Variants in JRK observed in about 807,000 individuals in gnomAD.
The protein encoded by JRK is Jrk helix-turn-helix protein.
For synonymous variants in JRK, 303 were observed against 218.1 expected, an observed-to-expected ratio of 1.39 and a Z score of -3.43; for missense variants, 720 against 509.2, an observed-to-expected ratio of 1.41 and a Z score of -3.98.
chr8:142,653,123 A>T (rs1846695282), downstream of JRK, among the ~76,000 whole-genome samples: 1 of 152,186 alleles, frequency 6.6e-6, no homozygotes, highest in Non-Finnish European at 1.5e-5. Context: ...ACTGCCCTTG[A>T]TCACTTCTGG....
In JRK at chr8:142,665,826, C is replaced by T. The variant is rs373016139; in HGVS notation, c.233G>A (p.Arg78Gln). 7.7e-6 allele frequency: 6 copies of T among 779,150 alleles called. No homozygotes were observed. Among genetic ancestry groups the T allele is most frequent in the South Asian group, 1.3e-5 (1 of 74,366 alleles). The allele number at this position is 779,150 out of a possible 1,614,324, so 48.3% of individuals were successfully genotyped here. A position where few individuals can be genotyped will look rare whatever the true frequency, so the allele number is the denominator to read the frequency against. ...SSDSNKALEQ[R>Q]RTLHTPKLEH... ...CAGCTTGGGCGTGTGCAGCGTGCGC[C>T]GCTGCTCCAGCGCCTTGTTGGAGTC... Residue 78 changes from arginine to glutamine, a missense_variant, in exon 2 of 2, where the codon CGG becomes CAG. By Grantham distance (43) the Arg-to-Gln change is conservative (BLOSUM62 1). Transcript: ENST00000612905.
rs1363700724 is a variant in JRK, at chr8:142,664,571, T to C, written c.1488A>G (p.Ala496=). 4 of 1,608,514 alleles carry C rather than the reference T, an allele frequency of 2.5e-6. No individual in the cohort carries two copies. The African/African-American group carries it at 4.0e-5, about 16-fold the overall frequency. The change falls in exon 2 of 2, where the codon GCA becomes GCG. Residue 496 remains alanine, a synonymous_variant. Transcript: ENST00000612905. ...GCTGCCGCTCCGCAAAGCGCAGGAC[T>C]GCGTCAAAGGCCACGGCCGCCTGCT... The part of the protein sequence containing the change: ...AWEQAAVAFD[A]VLRFAERQPC...
At chr8:142,651,457 T>C in the JRK span, among the ~76,000 whole-genome samples, 1 of 151,048 alleles carries the variant, frequency 6.6e-6, no homozygotes, top group Non-Finnish European at 1.5e-5. Flanking sequence ...GTAACAGCCA[T>C]TGCTTTCAGT....
At chr8:142,653,697 C>T (rs1465594355), downstream of JRK, among the ~76,000 whole-genome samples, 2 of 152,142 alleles carry the variant, frequency 1.3e-5, no homozygotes, top group Non-Finnish European at 2.9e-5. Context: ...ATTCCTGACA[C>T]CAGATGGCTC....
the JRK span, among the ~76,000 whole-genome samples, chr8:142,645,193 G>T: frequency 6.6e-6 from 1 of 151,878 alleles, no homozygotes; most frequent in African/African-American, 2.4e-5. Flanking sequence ...AGCAGGACTT[G>T]GTGTTCTTTT....
the JRK span, among the ~76,000 whole-genome samples, chr8:142,647,506 C>G: frequency 6.0e-4 from 92 of 152,210 alleles, no homozygotes; most frequent in African/African-American, 1.8e-3. Context: ...GATAGTAACT[C>G]TCATGAGATT....
In JRK at chr8:142,658,889, G is replaced by A. The variant is rs1554634117; in HGVS notation, c.*5463C>T. On this transcript the variant is annotated 3_prime_UTR_variant, in exon 2 of 2. Coordinates refer to ENST00000612905, the MANE Select transcript of JRK (RefSeq NM_003724.4). ...TGTAGAGGCCTCCAGGCAGCACTTA[G>A]GAATTGCCAACTCCTCTGGTGAGGT... 9 of 1,613,534 alleles carry A rather than the reference G, an allele frequency of 5.6e-6. No homozygotes were observed. The Admixed American group carries it at 1.2e-4, about 21-fold the overall frequency.
chr8:142,644,375 T>A, the JRK span, among the ~76,000 whole-genome samples: 103,248 of 151,886 alleles, frequency 0.68, 35,337 homozygotes, highest in Admixed American at 0.73. Context: ...ACACTAAGTC[T>A]TATCAGAATT....
rs115218091 is a variant in JRK at position 142,664,995 on chromosome 8, G to A, written c.1064C>T (p.Ala355Val). ...NPPVPLQGPH[A>V]RYNMNDAIFS... ...TATGGCATCGTTCATGTTGTAGCGG[G>A]CGTGGGGGCCCTGCAGGGGGACCGG... The change falls in exon 2 of 2, where the codon GCC becomes GTC. Residue 355 changes from alanine to valine, a missense_variant. Ala to Val is a moderately conservative substitution (Grantham distance 64, BLOSUM62 0). Transcript: ENST00000612905. 3.7e-3 allele frequency: 2,710 copies of A among 724,194 alleles called. 50 individuals carry two copies. The African/African-American group carries it at 0.042, about 11-fold the overall frequency. 44.9% of individuals were successfully genotyped at this position (724,194 alleles called of 1,614,324 possible). A position where few individuals can be genotyped will look rare whatever the true frequency, so the allele number is the denominator to read the frequency against.
Position 142,661,494 on chromosome 8 carries a change from A to G in JRK, c.*2858T>C. 1 of 985,518 alleles carries G rather than the reference A, an allele frequency of 1.0e-6. No individual in the cohort carries two copies. The highest frequency in any genetic ancestry group is 4.7e-5 in the South Asian group (1 of 21,286). The allele number at this position is 985,518 out of a possible 1,614,324, so 61.0% of individuals were successfully genotyped here. On this transcript the variant is annotated 3_prime_UTR_variant, in exon 2 of 2. Transcript: ENST00000612905. ...GAGGTTCTATTAGCAGGCTGGAAGC[A>G]GCCACAGAGGTCCCAAACCATATGA...
At chr8:142,645,058 T>C in the JRK span, among the ~76,000 whole-genome samples, 2 of 152,204 alleles carry the variant, frequency 1.3e-5, no homozygotes, top group Non-Finnish European at 2.9e-5. Context: ...TGATAGTCCC[T>C]GGGCCTTGAG....
chr8:142,669,538 A>G (rs1847255635), intron 1 of JRK, among the ~76,000 whole-genome samples: 1 of 152,154 alleles, frequency 6.6e-6, no homozygotes, highest in Non-Finnish European at 1.5e-5. Context: ...AAATGGAGAA[A>G]AAAAAGTCTC....
At position 142,663,991 on chromosome 8, in the gene JRK, TCTCCACC is replaced by T. The variant is rs1554635000; in HGVS notation, c.*354_*360del. ...TTCTCTCCACGTGGACAGACTGACA[TCTCCACC>T]CTCTGATACTGCAATGATCAGCCAG... On this transcript the variant is annotated 3_prime_UTR_variant, in exon 2 of 2. Coordinates refer to ENST00000612905, the MANE Select transcript of JRK (RefSeq NM_003724.4). 9.5e-7 allele frequency: 1 copy of T among 1,054,774 alleles called. No individual in the cohort carries two copies. Among genetic ancestry groups the T allele is most frequent in the African/African-American group, 1.7e-5 (1 of 59,848 alleles). The allele number at this position is 1,054,774 out of a possible 1,614,324, so 65.3% of individuals were successfully genotyped here. A position where few individuals can be genotyped will look rare whatever the true frequency, so the allele number is the denominator to read the frequency against.
chr8:142,667,465 ACACACACAG>A (rs1554636429), intron 1 of JRK, among the ~76,000 whole-genome samples: 1 of 150,686 alleles, frequency 6.6e-6, no homozygotes, highest in African/African-American at 2.5e-5. Context: ...ACACACACAC[ACACACACAG>A]CCACCCAACC....
At position 142,665,969 on chromosome 8, in the gene JRK, C is replaced by A. The variant is rs782149112; in HGVS notation, c.90G>T (p.Thr30=). 1.9e-6 allele frequency: 2 copies of A among 1,055,336 alleles called. No individual in the cohort carries two copies. The highest frequency in any genetic ancestry group is 1.2e-5 in the South Asian group (1 of 80,078). The allele number at this position is 1,055,336 out of a possible 1,614,324, so 65.4% of individuals were successfully genotyped here. Residue 30 remains threonine (T), a synonymous_variant, in exon 2 of 2, where the codon ACG becomes ACT. Coordinates refer to ENST00000612905, the MANE Select transcript of JRK (RefSeq NM_003724.4). ...TCCGGCTCTCGCCCTTCTCCAGGCG[C>A]GTGCAGATGTCAATCTTCTCCTTCA... is the stretch of plus-strand genomic sequence containing the variant. The part of the protein sequence containing the change: ...LTLKEKIDIC[T]RLEKGESRKA...
At chr8:142,668,610 G>T (rs10108059) in intron 1 of JRK, among the ~76,000 whole-genome samples, 82,993 of 151,426 alleles carry the variant, frequency 0.55, 24,079 homozygotes, top group Admixed American at 0.66. Flanking sequence ...GGGATGCAGA[G>T]AAAAGCTTCC....
rs1240176721 is a variant in JRK at position 142,661,145 on chromosome 8, G to A, written c.*3207C>T. The A allele has an allele frequency of 3.1e-5, 31 of 985,396 alleles. No homozygotes were observed. Among genetic ancestry groups the A allele is most frequent in the Non-Finnish European group, 3.7e-5 (31 of 829,974 alleles). The allele number at this position is 985,396 out of a possible 1,614,324, so 61.0% of individuals were successfully genotyped here. A position where few individuals can be genotyped will look rare whatever the true frequency, so the allele number is the denominator to read the frequency against. ...TGGAAGTCACGCACAGACAGGCCCA[G>A]GGCAAGGTCTGCTCTAGACCCTCCT... is the stretch of plus-strand genomic sequence containing the variant. On this transcript the variant is annotated 3_prime_UTR_variant, in exon 2 of 2. Transcript: ENST00000612905.
downstream of JRK, among the ~76,000 whole-genome samples, chr8:142,652,733 G>A (rs73714607): frequency 0.043 from 6,564 of 152,238 alleles, 150 homozygotes; most frequent in Non-Finnish European, 0.053. Flanking sequence ...GGGAGCCCCA[G>A]TGTATTTTCC....
the JRK span, among the ~76,000 whole-genome samples, chr8:142,647,314 G>T: frequency 5.5e-4 from 84 of 152,124 alleles, no homozygotes; most frequent in African/African-American, 1.9e-3. Context: ...AAATGAAGGG[G>T]AGGCAGCGGA....
Sources: gnomAD v4.1 joint callset for allele counts (sites outside exome capture counted in the v4.1 genomes callset) on GRCh38, gnomAD v4.1.1 for gene constraint, MANE v1.5 for transcripts, NCBI Gene and HGNC (gene_info 2026-07-23, HGNC 2026-07-21) for gene names.